Variants in OSBPL2 observed in about 807,000 individuals in gnomAD.
OSBPL2 encodes the protein oxysterol-binding protein-related protein 2.
A neutral mutation model predicts 58.4 loss-of-function variants in OSBPL2; 18 were observed. The ratio of observed to expected loss-of-function variants is 0.31; its 90% CI spans 0.21 to 0.46. The LOEUF (loss-of-function observed/expected upper bound fraction) is 0.46, where lower values mean the gene tolerates loss of function less well. OSBPL2 is among the 20% of genes least tolerant of loss of function. The pLI, the probability that OSBPL2 is intolerant of heterozygous loss-of-function variation, is 1.00. For synonymous variants in OSBPL2, 221 were observed against 234.1 expected, an observed-to-expected ratio of 0.94 and a Z score of 0.51; for missense variants, 461 against 616.5, an observed-to-expected ratio of 0.75 and a Z score of 2.67.
In OSBPL2 at chr20:62,281,840, A is replaced by G. The variant is rs199648498; in HGVS notation, c.833A>G (p.Lys278Arg). The G allele has an allele frequency of 1.9e-4, 302 of 1,612,752 alleles. No individual in the cohort carries two copies. Among genetic ancestry groups the G allele is most frequent in the Non-Finnish European group, 1.7e-4 (204 of 1,178,920 alleles). Reference protein sequence around the residue: ...LHFKPCGLFGKELHKVEGHIQ... With the variant: ...LHFKPCGLFGRELHKVEGHIQ... ...TTTAAACCGTGTGGATTATTTGGAA[A>G]AGAACTTCACAAGGTGGAAGGACAC... The change falls in exon 9 of 14, where the codon AAA (lysine) becomes AGA (arginine). Residue 278 changes from lysine to arginine, a missense_variant. Physicochemically the swap from Lys to Arg is conservative, Grantham distance 26 (BLOSUM62 2). This residue lies in a region of OSBPL2 where 319 missense variants were observed against 419.2 expected (regional missense o/e 0.76). Transcript: ENST00000313733.
Position 62,269,374 on chromosome 20 carries a change from C to G in OSBPL2, c.259-2751C>G, listed in dbSNP as rs969558119. Among the ~76,000 whole-genome samples the G allele has an allele frequency of 1.3e-5, 2 of 152,184 alleles. No homozygotes were observed. Among genetic ancestry groups the G allele is most frequent in the Non-Finnish European group, 2.9e-5 (2 of 68,028 alleles). ...TGGCCGAGGCTCTGTGGGATAGGTT[C>G]CTAGAAGTGGGGCTGCTGGGTCAGG... On this transcript the variant is annotated intron_variant, in intron 4 of 13. Coordinates refer to ENST00000313733, the MANE Select transcript of OSBPL2 (RefSeq NM_144498.4). The surrounding 1 kb of genome is among the most constrained non-coding windows in gnomAD (Gnocchi z 4.2).
chr20:62,249,394 C>T (rs1054383047), intron 1 of OSBPL2, among the ~76,000 whole-genome samples: 15 of 152,206 alleles, frequency 9.9e-5, no homozygotes, highest in African/African-American at 3.6e-4. Context: ...CTGAAATACT[C>T]TCTCTGGGGA....
At chr20:62,286,950 T>A (rs1983171589) in intron 11 of OSBPL2, among the ~76,000 whole-genome samples, 1 of 152,218 alleles carries the variant, frequency 6.6e-6, no homozygotes, top group African/African-American at 2.4e-5. Flanking sequence ...GCACCGCTGC[T>A]CCATAGGACA....
intron 1 of OSBPL2, among the ~76,000 whole-genome samples, chr20:62,244,478 C>T (rs913554294): frequency 6.6e-6 from 1 of 152,224 alleles, no homozygotes; most frequent in African/African-American, 2.4e-5. Context: ...GGGCATGCGC[C>T]CTGTCCATTG....
At position 62,293,949 on chromosome 20, in the gene OSBPL2, C is replaced by A; in HGVS notation, c.*62C>A. ...GACGAGGCTGGACTTCCTCGAGTGG[C>A]CACTGTGAGCCTCGTCACAGCAGAA... On this transcript the variant is annotated 3_prime_UTR_variant, in exon 14 of 14. Coordinates refer to ENST00000313733, the MANE Select transcript of OSBPL2 (RefSeq NM_144498.4). 1 of 1,577,346 alleles carries A rather than the reference C, an allele frequency of 6.3e-7. No individual in the cohort carries two copies. Among genetic ancestry groups the A allele is most frequent in the Non-Finnish European group, 8.6e-7 (1 of 1,163,760 alleles).
chr20:62,280,008 G>A (rs1480529550), intron 7 of OSBPL2: 1 of 1,304,126 alleles, frequency 7.7e-7, no homozygotes, highest in African/African-American at 1.5e-5. Flanking sequence ...CCCCAATCCA[G>A]TGTCAACCAA....
At chr20:62,259,938 C>A in intron 2 of OSBPL2, 43 bp from the exon 3 acceptor site, 1 of 1,593,360 alleles carries the variant, frequency 6.3e-7, no homozygotes, top group Non-Finnish European at 8.6e-7. Context: ...TTTAAAAAAT[C>A]TTTCAGGTCC....
At chr20:62,292,734 G>A (rs934954577) in intron 13 of OSBPL2, among the ~76,000 whole-genome samples, 7 of 152,144 alleles carry the variant, frequency 4.6e-5, no homozygotes, top group African/African-American at 1.2e-4. Flanking sequence ...AATGATACCC[G>A]GTGGCTTACA....
chr20:62,253,636 T>C (rs1323017781), intron 1 of OSBPL2, among the ~76,000 whole-genome samples: 1 of 151,232 alleles, frequency 6.6e-6, no homozygotes, highest in Non-Finnish European at 1.5e-5. Context: ...CTGAGGGCTT[T>C]CTTGCTGTCA....
intron 4 of OSBPL2, among the ~76,000 whole-genome samples, 155 bp from the exon 5 acceptor site, chr20:62,271,970 T>G (rs1435413532): frequency 1.3e-5 from 2 of 152,076 alleles, no homozygotes; most frequent in Non-Finnish European, 2.9e-5. Context: ...GCAGGGCCGA[T>G]GGGGCAGGGA....
chr20:62,273,171 T>G (rs141273715), intron 5 of OSBPL2, 138 bp from the exon 6 acceptor site: 354 of 700,534 alleles, frequency 5.1e-4, no homozygotes, highest in Non-Finnish European at 7.5e-4. Flanking sequence ...TCAGACACAC[T>G]GCTCGGGGAA....
chr20:62,263,784 G>A (rs2145938776), intron 4 of OSBPL2, 93 bp downstream of exon 4: 1 of 1,146,026 alleles, frequency 8.7e-7, no homozygotes, highest in Non-Finnish European at 1.3e-6. Flanking sequence ...ATGCGCTCTT[G>A]GCCGGGCGCG....
chr20:62,244,457 C>T (rs145277217), intron 1 of OSBPL2, among the ~76,000 whole-genome samples: 142 of 152,336 alleles, frequency 9.3e-4, no homozygotes, highest in Middle Eastern at 3.4e-3. Context: ...GCAGGGCGCC[C>T]GTGAGCTGTG....
intron 9 of OSBPL2, among the ~76,000 whole-genome samples, chr20:62,282,454 G>A (rs532676252): frequency 2.0e-4 from 30 of 151,850 alleles, no homozygotes; most frequent in Non-Finnish European, 3.2e-4. Context: ...TGTTTTTTTC[G>A]TAAGGAATTT....
intron 2 of OSBPL2, among the ~76,000 whole-genome samples, chr20:62,259,715 G>A (rs971974840): frequency 3.3e-5 from 5 of 152,182 alleles, no homozygotes; most frequent in Admixed American, 2.0e-4. Context: ...CATGGCCTGG[G>A]ACTGGACCTC....
rs757921968 is a variant in OSBPL2 at position 62,247,839 on chromosome 20, AT to A, written c.-128-8213del. On this transcript the variant is annotated intron_variant, in intron 1 of 13. Transcript: ENST00000313733. ...GCCACCATGTCCGGCTAATTTTTGT[AT>A]TTTTAGTAGAGATGGAGTTTCACCA... Among the ~76,000 whole-genome samples the A allele has an allele frequency of 2.0e-4, 30 of 151,738 alleles. No homozygotes were observed. In the East Asian group the frequency reaches 4.5e-3, roughly 23 times the overall value.
chr20:62,244,782 C>T (rs1332952760), intron 1 of OSBPL2, among the ~76,000 whole-genome samples: 1 of 152,232 alleles, frequency 6.6e-6, no homozygotes, highest in Non-Finnish European at 1.5e-5. Context: ...GGCCGCGAGG[C>T]CCAGTGGGAA....
At chr20:62,279,999 C>T (rs1360239631) in intron 7 of OSBPL2, 2 of 1,304,100 alleles carry the variant, frequency 1.5e-6, no homozygotes, top group East Asian at 1.1e-4. Context: ...CTAAATGCTC[C>T]CCAATCCAGT....
At chr20:62,279,016 T>G in intron 6 of OSBPL2, 141 bp from the exon 7 acceptor site, 1 of 648,248 alleles carries the variant, frequency 1.5e-6, no homozygotes, top group Non-Finnish European at 2.7e-6. Context: ...AGAGGTGGTG[T>G]TGGGTGTTTC....
Sources: gnomAD v4.1 joint callset for allele counts (sites outside exome capture counted in the v4.1 genomes callset) on GRCh38, gnomAD v4.1.1 for gene constraint, gnomAD v4.1.1 regional missense constraint, Gnocchi (gnomAD v3.1) non-coding constraint, MANE v1.5 for transcripts, NCBI Gene and HGNC (gene_info 2026-07-23, HGNC 2026-07-21) for gene names.